Variants in PRKN observed in about 807,000 individuals in gnomAD.
The protein encoded by PRKN is E3 ubiquitin-protein ligase parkin.
PRKN carries 56 observed loss-of-function variants against 59.5 expected under a neutral mutation model. The ratio of observed to expected loss-of-function variants is 0.94; its 90% confidence interval spans 0.76 to 1.18. The LOEUF (loss-of-function observed/expected upper bound fraction) is 1.18, where lower values mean the gene tolerates loss of function less well. Ranked by LOEUF, PRKN falls within the 50% of genes most tolerant of loss-of-function variation. The probability of loss-of-function intolerance (pLI) is 0.00; values close to 1 mark genes in which losing one functional copy is unlikely to be tolerated. For synonymous variants in PRKN, 250 were observed against 222.1 expected (o/e 1.13, Z -1.12); for missense variants, 657 against 596.4 (o/e 1.10, Z -1.06).
intron 1 of PRKN, among the ~76,000 whole-genome samples, chr6:162,659,183 A>T (rs1382734058): frequency 1.3e-5 from 2 of 152,132 alleles, no homozygotes; most frequent in Non-Finnish European, 2.9e-5. Flanking sequence ...TATAATTCTA[A>T]ATACAATTCA....
chr6:162,490,019 A>G (rs1562325770), intron 1 of PRKN, among the ~76,000 whole-genome samples: 2 of 152,174 alleles, frequency 1.3e-5, no homozygotes, highest in Admixed American at 6.5e-5. Context: ...AAGCAACTAA[A>G]TATTGTCCCA....
At chr6:161,591,583 C>T (rs1325488414) in intron 7 of PRKN, among the ~76,000 whole-genome samples, 13 of 152,182 alleles carry the variant, frequency 8.5e-5, no homozygotes, top group Non-Finnish European at 7.4e-5. Flanking sequence ...TCCACAACAT[C>T]CACAGACAAT....
At chr6:162,386,860 A>G (rs562220925) in intron 2 of PRKN, among the ~76,000 whole-genome samples, 2 of 152,290 alleles carry the variant, frequency 1.3e-5, no homozygotes, top group African/African-American at 4.8e-5. Flanking sequence ...GTAATGTTTT[A>G]TGACTAAGCA....
At chr6:162,098,256 T>C (rs974058283) in intron 4 of PRKN, among the ~76,000 whole-genome samples, 9 of 152,166 alleles carry the variant, frequency 5.9e-5, no homozygotes, top group Non-Finnish European at 1.0e-4. Flanking sequence ...GACAAATCAA[T>C]GCTGGCACAC....
chr6:162,608,191 G>A (rs1395079692), intron 1 of PRKN, among the ~76,000 whole-genome samples: 2 of 152,214 alleles, frequency 1.3e-5, no homozygotes, highest in African/African-American at 4.8e-5. Context: ...AGGGAGTCAG[G>A]TGGAGAAAAG....
intron 1 of PRKN, among the ~76,000 whole-genome samples, chr6:162,589,237 G>A (rs775046043): frequency 7.9e-5 from 12 of 151,988 alleles, no homozygotes; most frequent in Admixed American, 2.0e-4. Context: ...TCATACCTAC[G>A]CAGATTTTAA....
chr6:161,469,823 T>C (rs1193562952), intron 9 of PRKN, among the ~76,000 whole-genome samples: 2 of 152,242 alleles, frequency 1.3e-5, no homozygotes, highest in African/African-American at 4.8e-5. Context: ...ACATTTGTGA[T>C]AATTTTTTAC....
chr6:162,374,405 T>C (rs1240329443), intron 2 of PRKN, among the ~76,000 whole-genome samples: 1 of 146,612 alleles, frequency 6.8e-6, no homozygotes, highest in Non-Finnish European at 1.5e-5. Flanking sequence ...TTTTTTTTTT[T>C]AAGTTTTAGT....
chr6:162,050,873 A>T (rs985774840), intron 5 of PRKN, among the ~76,000 whole-genome samples: 1 of 152,252 alleles, frequency 6.6e-6, no homozygotes, highest in East Asian at 1.9e-4. Context: ...AAGCCAGGGT[A>T]CTGAACAGCA....
In PRKN at chr6:161,573,217, G is replaced by GCC. The variant is rs1464859143; in HGVS notation, c.872-3803_872-3802dup. ...TTTGAATCTGGGCCAACTCATCAGG[G>GCC]CCCTGTTCGGATCCCAAGCACTGCT... On this transcript the variant is annotated intron_variant, in intron 7 of 11. Coordinates refer to ENST00000366898, the MANE Select transcript of PRKN (RefSeq NM_004562.3). Among the ~76,000 whole-genome samples, 12 of 152,194 alleles carry GCC rather than the reference G, an allele frequency of 7.9e-5. 1 individual carries two copies. The highest frequency in any genetic ancestry group is 2.6e-4 in the African/African-American group (11 of 41,526).
intron 1 of PRKN, among the ~76,000 whole-genome samples, chr6:162,687,132 G>A (rs976417699): frequency 6.6e-6 from 1 of 150,528 alleles, no homozygotes; most frequent in African/African-American, 2.4e-5. Context: ...CAGGATGGTC[G>A]TTTTAACAAT....
chr6:161,680,926 T>C (rs1047204306), intron 7 of PRKN, among the ~76,000 whole-genome samples: 1 of 151,616 alleles, frequency 6.6e-6, no homozygotes, highest in Non-Finnish European at 1.5e-5. Context: ...ATGTGATTCA[T>C]GTCTGGTAAT....
chr6:162,540,104 C>T (rs927106149), intron 1 of PRKN, among the ~76,000 whole-genome samples: 2 of 152,066 alleles, frequency 1.3e-5, no homozygotes, highest in African/African-American at 2.4e-5. Context: ...TTAGTACAGA[C>T]GGGGTTTCAC....
chr6:161,834,915 G>A (rs1207916654), intron 6 of PRKN, among the ~76,000 whole-genome samples: 1 of 152,120 alleles, frequency 6.6e-6, no homozygotes, highest in African/African-American at 2.4e-5. Context: ...GCTACGTGAT[G>A]ACTGAACATG....
chr6:162,264,271 T>A (rs1780025202), intron 2 of PRKN, among the ~76,000 whole-genome samples: 1 of 152,012 alleles, frequency 6.6e-6, no homozygotes, highest in South Asian at 2.1e-4. Flanking sequence ...AGAGAGAGAC[T>A]CTGTCTCAAA....
In PRKN at chr6:161,533,974, A is replaced by C. The variant is rs78015831; in HGVS notation, c.1083+14880T>G. On this transcript the variant is annotated intron_variant, in intron 9 of 11. Transcript: ENST00000366898. The surrounding 1 kb of genome is among the most constrained non-coding windows in gnomAD (Gnocchi z 4.1). ...CCGTCACAGTGGTCTCTGTGACTTCAGTGAACCCCCTTTCCACCTGTCCTC... is the reference window on the plus strand; with the variant it reads ...CCGTCACAGTGGTCTCTGTGACTTCCGTGAACCCCCTTTCCACCTGTCCTC... Among the ~76,000 whole-genome samples the C allele has an allele frequency of 0.089, 13,497 of 152,034 alleles. 913 individuals carry two copies. Among genetic ancestry groups the C allele is most frequent in the African/African-American group, 0.19 (7,951 of 41,412 alleles).
intron 6 of PRKN, among the ~76,000 whole-genome samples, chr6:161,886,368 T>G (rs554575351): frequency 6.6e-6 from 1 of 152,268 alleles, no homozygotes; most frequent in Admixed American, 6.5e-5. Flanking sequence ...TCTCCAAAGT[T>G]TGTGATGTTG....
intron 4 of PRKN, among the ~76,000 whole-genome samples, chr6:162,197,173 C>T (rs1164561764): frequency 6.6e-6 from 1 of 152,118 alleles, no homozygotes; most frequent in African/African-American, 2.4e-5. Flanking sequence ...GAAAATGAAA[C>T]CTCAGAATTG....
intron 1 of PRKN, among the ~76,000 whole-genome samples, chr6:162,657,737 C>G (rs1245348862): frequency 6.6e-6 from 1 of 152,152 alleles, no homozygotes; most frequent in Non-Finnish European, 1.5e-5. Flanking sequence ...ATATTGTAGT[C>G]AGATGTGAAC....
Sources: allele counts gnomAD v4.1 joint callset (sites outside exome capture counted in the v4.1 genomes callset), GRCh38; gene constraint gnomAD v4.1.1; non-coding constraint Gnocchi (gnomAD v3.1); transcripts MANE v1.5; gene names NCBI Gene and HGNC (gene_info 2026-07-23, HGNC 2026-07-21).